The following RBFOX1 variants were observed in gnomAD, a reference collection of about 807,000 sequenced individuals.
RBFOX1 encodes the protein RNA binding protein fox-1 homolog 1.
In RBFOX1, 8 loss-of-function variants were observed where a neutral mutation model predicts 57.7. The ratio of observed to expected loss-of-function variants is 0.14; its 90% CI spans 0.08 to 0.25. RBFOX1 has a LOEUF of 0.25. Among genes scored for constraint, RBFOX1 ranks in the 10% least tolerant of loss-of-function variants. The pLI is 1.00. For synonymous variants in RBFOX1, 326 were observed against 222.4 expected (o/e 1.47, Z -4.15); for missense variants, 611 against 548.5 (o/e 1.11, Z -1.14).
intron 3 of RBFOX1, among the ~76,000 whole-genome samples, chr16:5,860,017 T>C (rs1274944871): frequency 2.6e-5 from 4 of 152,162 alleles, no homozygotes; most frequent in Admixed American, 1.3e-4. Flanking sequence ...CTTAGGATAG[T>C]CAAAATTCTG....
intron 4 of RBFOX1, among the ~76,000 whole-genome samples, chr16:7,489,630 G>T (rs529154347): frequency 2.0e-5 from 3 of 151,732 alleles, no homozygotes; most frequent in Admixed American, 6.6e-5. Flanking sequence ...ATCCTCCAAC[G>T]TCAGTCTCCC....
At chr16:6,961,592 G>C (rs556562548) in intron 3 of RBFOX1, among the ~76,000 whole-genome samples, 113 of 152,290 alleles carry the variant, frequency 7.4e-4, no homozygotes, top group African/African-American at 2.6e-3. Context: ...GAGCAGCTCT[G>C]AGGGCTGCTG....
At chr16:5,591,617 G>A (rs2047011305) in intron 2 of RBFOX1, among the ~76,000 whole-genome samples, 1 of 152,148 alleles carries the variant, frequency 6.6e-6, no homozygotes, top group Non-Finnish European at 1.5e-5. Context: ...GGATATACTA[G>A]AAATGCCTAT....
At chr16:5,822,850 G>C (rs1047653360) in intron 3 of RBFOX1, among the ~76,000 whole-genome samples, 10 of 152,278 alleles carry the variant, frequency 6.6e-5, no homozygotes, top group African/African-American at 2.4e-4. Context: ...ACATCTTTGG[G>C]ACCTTGAGTG....
chr16:5,788,383 C>T (rs1173998195), intron 3 of RBFOX1, among the ~76,000 whole-genome samples: 2 of 152,082 alleles, frequency 1.3e-5, no homozygotes, highest in Admixed American at 1.3e-4. Flanking sequence ...AATCCCAGCA[C>T]ATCGGGAGGT....
chr16:7,363,794 C>G (rs1014297324), intron 4 of RBFOX1, among the ~76,000 whole-genome samples: 4 of 151,940 alleles, frequency 2.6e-5, no homozygotes, highest in African/African-American at 9.7e-5. Context: ...GTTTCAGGGG[C>G]CGAAAATAAG....
intron 2 of RBFOX1, among the ~76,000 whole-genome samples, chr16:6,342,675 A>G (rs2084745368): frequency 6.6e-6 from 1 of 152,170 alleles, no homozygotes; most frequent in Non-Finnish European, 1.5e-5. Flanking sequence ...TTTCTTCCAA[A>G]TATAACCTTT....
intron 1 of RBFOX1, among the ~76,000 whole-genome samples, chr16:5,403,325 G>C (rs2066767197): frequency 6.8e-6 from 1 of 146,656 alleles, no homozygotes; most frequent in African/African-American, 2.5e-5. Context: ...ACTCCAGTCT[G>C]GGAAACAGAC....
At chr16:6,919,556 A>G (rs935730283) in intron 3 of RBFOX1, among the ~76,000 whole-genome samples, 21 of 152,026 alleles carry the variant, frequency 1.4e-4, no homozygotes, top group African/African-American at 4.8e-4. Context: ...TCTCTTAGAC[A>G]TTTCTCCACT....
At chr16:7,450,468 C>A (rs1000565862) in intron 4 of RBFOX1, among the ~76,000 whole-genome samples, 1 of 147,938 alleles carries the variant, frequency 6.8e-6, no homozygotes, top group African/African-American at 2.5e-5. Flanking sequence ...ATGATAAATT[C>A]TATACCACTG....
chr16:6,575,041 T>TAAA (rs60159843), intron 2 of RBFOX1, among the ~76,000 whole-genome samples: 8 of 142,192 alleles, frequency 5.6e-5, no homozygotes, highest in African/African-American at 1.9e-4. Flanking sequence ...CCGTCTCAAT[T>TAAA]AAAAAAAAAA....
chr16:7,601,909 A>T (rs1052690109), intron 9 of RBFOX1, among the ~76,000 whole-genome samples: 3 of 152,032 alleles, frequency 2.0e-5, no homozygotes, highest in Admixed American at 1.3e-4. Context: ...CAAACAAAAC[A>T]CCTTTGTACC....
rs1440672224 is a variant in RBFOX1, at chr16:7,306,122, G to A, written c.28-212025G>A. 2.0e-5 allele frequency among the ~76,000 whole-genome samples: 3 copies of A among 151,994 alleles called. No individual in the cohort carries two copies. The East Asian group carries it at 5.8e-4, about 29-fold the overall frequency. ...ATATCATTTACCTAGCAAGTAGAAT[G>A]CTATAGGTACTCAATGTTCTCCGTT... On this transcript the variant is annotated intron_variant, in intron 4 of 15. Coordinates refer to ENST00000550418, the MANE Select transcript of RBFOX1 (RefSeq NM_018723.4).
chr16:5,290,460 C>G (rs147676649), intron 1 of RBFOX1, among the ~76,000 whole-genome samples: 3 of 152,076 alleles, frequency 2.0e-5, no homozygotes, highest in Admixed American at 6.5e-5. Flanking sequence ...TAAAATTGAT[C>G]CTGATGGTGG....
At chr16:7,392,900 G>A (rs562366251) in intron 4 of RBFOX1, among the ~76,000 whole-genome samples, 2 of 152,162 alleles carry the variant, frequency 1.3e-5, no homozygotes, top group East Asian at 1.9e-4. Context: ...TTGAGACAGA[G>A]TCTTGCTGTG....
chr16:7,292,214 A>G lies in RBFOX1; in HGVS notation c.28-225933A>G, dbSNP rs1175498679. On this transcript the variant is annotated intron_variant, in intron 4 of 15. Transcript: ENST00000550418. ...ATAGAACGTATTATATATCATATATATGATATATGATATAGAACGTATTAT... is the reference window on the plus strand; with the variant it reads ...ATAGAACGTATTATATATCATATATGTGATATATGATATAGAACGTATTAT... Among the ~76,000 whole-genome samples, 20 of 120,894 alleles carry G rather than the reference A, an allele frequency of 1.7e-4. 1 individual carries two copies. The East Asian group carries it at 4.4e-3, about 27-fold the overall frequency. 79.3% of individuals were successfully genotyped at this position (120,894 alleles called of 152,430 possible). A position where few individuals can be genotyped will look rare whatever the true frequency, so the allele number is the denominator to read the frequency against.
At chr16:6,277,458 CAAA>C (rs59733415) in intron 1 of RBFOX1, among the ~76,000 whole-genome samples, 16 of 80,804 alleles carry the variant, frequency 2.0e-4, no homozygotes, top group Non-Finnish European at 2.4e-4. Flanking sequence ...GTCTGTCTCC[CAAA>C]AAAAAAAAAA....
At chr16:5,889,349 G>C (rs1444457770) in intron 4 of RBFOX1, among the ~76,000 whole-genome samples, 1 of 152,148 alleles carries the variant, frequency 6.6e-6, no homozygotes, top group Non-Finnish European at 1.5e-5. Flanking sequence ...GTGTTAGTTG[G>C]CTGAGGATAA....
chr16:5,486,972 C>T (rs546013970), intron 2 of RBFOX1, among the ~76,000 whole-genome samples: 1 of 152,254 alleles, frequency 6.6e-6, no homozygotes, highest in African/African-American at 2.4e-5. Flanking sequence ...AGACTCCGGT[C>T]CCCTGTAATA....
Sources: allele counts gnomAD v4.1 joint callset (sites outside exome capture counted in the v4.1 genomes callset), GRCh38; gene constraint gnomAD v4.1.1; transcripts MANE v1.5; gene names NCBI Gene and HGNC (gene_info 2026-07-23, HGNC 2026-07-21).